Variants in AXDND1 observed in about 807,000 individuals in gnomAD.
The protein encoded by AXDND1 is axonemal dynein light chain domain-containing protein 1.
In AXDND1, 110 loss-of-function variants were observed where a neutral mutation model predicts 137.5. The observed-to-expected ratio is 0.80, with a 90% CI of 0.69 to 0.94. The LOEUF is 0.94. AXDND1 is among the 40% of genes least tolerant of loss of function. AXDND1 has a pLI of 0.00. For synonymous variants in AXDND1, 414 were observed against 399.7 expected (o/e 1.04, Z -0.43); for missense variants, 1,191 against 1,169.8 (o/e 1.02, Z -0.26).
intron 20 of AXDND1, among the ~76,000 whole-genome samples, chr1:179,498,546 C>G (rs1667684312): frequency 6.6e-6 from 1 of 151,998 alleles, no homozygotes; most frequent in African/African-American, 2.4e-5. Context: ...TTGGCTAAAT[C>G]TCCAAAAGCA....
At position 179,375,493 on chromosome 1, in the gene AXDND1, G is replaced by A. The variant is rs192248478; in HGVS notation, c.375-3144G>A. 6.9e-3 allele frequency among the ~76,000 whole-genome samples: 978 copies of A among 141,066 alleles called. 2 individuals carry two copies. Among genetic ancestry groups the A allele is most frequent in the Non-Finnish European group, 0.011 (688 of 63,546 alleles). The allele number at this position is 141,066 out of a possible 152,430, so 92.5% of individuals were successfully genotyped here. A position where few individuals can be genotyped will look rare whatever the true frequency, so the allele number is the denominator to read the frequency against. On this transcript the variant is annotated intron_variant, in intron 4 of 25. Coordinates refer to ENST00000367618, the MANE Select transcript of AXDND1 (RefSeq NM_144696.6). Reference sequence around the variant, plus strand: ...TCTAATTATATAAAATATATATAATGTATAACATATAATGTATAATGTATA... The same window carrying A: ...TCTAATTATATAAAATATATATAATATATAACATATAATGTATAATGTATA...
intron 17 of AXDND1, among the ~76,000 whole-genome samples, chr1:179,471,661 A>T (rs1417354396): frequency 6.6e-6 from 1 of 151,750 alleles, no homozygotes; most frequent in Non-Finnish European, 1.5e-5. Context: ...CCATCTTTTG[A>T]TTTCATTGAT....
In AXDND1 at chr1:179,463,562, G is replaced by A. The variant is rs542914301; in HGVS notation, c.1799-4881G>A. 2.6e-5 allele frequency among the ~76,000 whole-genome samples: 4 copies of A among 152,348 alleles called. No individual in the cohort carries two copies. The South Asian group carries it at 8.3e-4, about 32-fold the overall frequency. On this transcript the variant is annotated intron_variant, in intron 16 of 25. Coordinates refer to ENST00000367618, the MANE Select transcript of AXDND1 (RefSeq NM_144696.6). ...AACTATGTGGTCAATTTTGGAATAA[G>A]TGCGATGTGATGCTAAGAAGAATGT...
At chr1:179,416,990 G>T (rs1558146688) in intron 12 of AXDND1, among the ~76,000 whole-genome samples, 1 of 152,174 alleles carries the variant, frequency 6.6e-6, no homozygotes, top group East Asian at 1.9e-4. Context: ...CCACATCTTT[G>T]CAAGCATCTG....
chr1:179,394,042 A>T lies in AXDND1; in HGVS notation c.1003A>T (p.Arg335Trp). The T allele has an allele frequency of 1.3e-6, 2 of 1,595,768 alleles. No individual in the cohort carries two copies. Among genetic ancestry groups the T allele is most frequent in the Non-Finnish European group, 8.5e-7 (1 of 1,173,512 alleles). The change falls in exon 10 of 26, where the codon AGG (arginine) becomes TGG (tryptophan). Residue 335 changes from arginine (R) to tryptophan (W), a missense_variant and splice_region_variant. Arg to Trp is a moderately radical substitution (Grantham distance 101, BLOSUM62 -3). Transcript: ENST00000367618. ...NFKHVIEELTRELCLVRAHDV... is the reference protein window; with the variant it reads ...NFKHVIEELTWELCLVRAHDV... ...CAAGCATGTTATTGAAGAACTGACCAGGTAAAAACTGTGATTATCTTAAAC... is the reference window on the plus strand; with the variant it reads ...CAAGCATGTTATTGAAGAACTGACCTGGTAAAAACTGTGATTATCTTAAAC...
rs1233475776 is a variant in AXDND1, at chr1:179,368,967, C to T, written c.265C>T (p.Pro89Ser). 2.0e-5 allele frequency: 33 copies of T among 1,609,990 alleles called. No individual in the cohort carries two copies. The highest frequency in any genetic ancestry group is 2.5e-5 in the Non-Finnish European group (29 of 1,177,572). The change falls in exon 3 of 26, where the codon CCA becomes TCA. Residue 89 changes from proline (P) to serine (S), a missense_variant. Physicochemically the swap from Pro to Ser is moderately conservative, Grantham distance 74. Transcript: ENST00000367618. ...NLLPPKKIKTPKGTLPRLVDH... is the reference protein window; with the variant it reads ...NLLPPKKIKTSKGTLPRLVDH... ...ACTACCTCCTAAGAAAATTAAAACC[C>T]CAAAGGTTTGTATGTACATATGTAG...
chr1:179,515,310 A>G (rs772899936), intron 21 of AXDND1, among the ~76,000 whole-genome samples: 1 of 152,100 alleles, frequency 6.6e-6, no homozygotes, highest in Non-Finnish European at 1.5e-5. Context: ...GGAAAAGACT[A>G]TATCTTTCCT....
chr1:179,466,900 G>C (rs1240446357), intron 16 of AXDND1, among the ~76,000 whole-genome samples: 5 of 152,242 alleles, frequency 3.3e-5, no homozygotes, highest in Non-Finnish European at 5.9e-5. Context: ...CTGAAATGAA[G>C]TCTGGCCTTG....
chr1:179,518,918 C>A (rs992238903), intron 21 of AXDND1, among the ~76,000 whole-genome samples: 1 of 152,042 alleles, frequency 6.6e-6, no homozygotes, highest in Non-Finnish European at 1.5e-5. Context: ...AATGGGATTG[C>A]TGGGTCAAAT....
intron 6 of AXDND1, among the ~76,000 whole-genome samples, chr1:179,382,269 C>T (rs993002455): frequency 2.3e-4 from 35 of 151,640 alleles, no homozygotes; most frequent in Non-Finnish European, 3.1e-4. Flanking sequence ...TTAGTAGAGA[C>T]GGGGCTTCAT....
chr1:179,425,819 G>C (rs980230136), intron 12 of AXDND1, among the ~76,000 whole-genome samples: 9 of 147,182 alleles, frequency 6.1e-5, no homozygotes. Flanking sequence ...TGTGTAAAGA[G>C]AGAAATGTGG....
chr1:179,416,179 C>A (rs976855017), intron 12 of AXDND1, among the ~76,000 whole-genome samples: 1 of 152,164 alleles, frequency 6.6e-6, no homozygotes, highest in Admixed American at 6.6e-5. Context: ...CATGTGGATA[C>A]TTGCAATCTT....
intron 4 of AXDND1, among the ~76,000 whole-genome samples, chr1:179,378,167 T>C (rs1372053877): frequency 1.3e-5 from 2 of 152,072 alleles, no homozygotes; most frequent in African/African-American, 4.8e-5. Flanking sequence ...TGAGACTCTG[T>C]GTCAAAATAA....
intron 4 of AXDND1, among the ~76,000 whole-genome samples, 176 bp downstream of exon 4, chr1:179,370,254 GATT>G (rs1363684324): frequency 2.6e-5 from 4 of 152,184 alleles, no homozygotes; most frequent in Admixed American, 1.3e-4. Context: ...TTTTGTGTGT[GATT>G]ATTATCAGTA....
At chr1:179,526,901 G>A (rs145575812) in intron 22 of AXDND1, among the ~76,000 whole-genome samples, 25 of 152,266 alleles carry the variant, frequency 1.6e-4, no homozygotes, top group African/African-American at 3.6e-4. Context: ...TTGAGGAAAC[G>A]AGTTAATGGA....
intron 17 of AXDND1, among the ~76,000 whole-genome samples, chr1:179,476,312 A>G (rs1333737385): frequency 6.6e-6 from 1 of 152,214 alleles, no homozygotes; most frequent in Non-Finnish European, 1.5e-5. Context: ...TATATTACAC[A>G]TATATTACAT....
intron 25 of AXDND1, 70 bp downstream of exon 25, chr1:179,535,032 T>C: frequency 6.3e-7 from 1 of 1,592,852 alleles, no homozygotes; most frequent in Non-Finnish European, 8.6e-7. Context: ...GGGCCACAAA[T>C]ATTGTAGAAG....
chr1:179,483,515 AG>A (rs1433123989), intron 18 of AXDND1, among the ~76,000 whole-genome samples: 2 of 152,214 alleles, frequency 1.3e-5, no homozygotes, highest in Admixed American at 6.5e-5. Context: ...AAAATGAATA[AG>A]AAAAAGGGTA....
At chr1:179,446,297 C>T (rs901352580) in intron 16 of AXDND1, among the ~76,000 whole-genome samples, 11 of 152,182 alleles carry the variant, frequency 7.2e-5, no homozygotes, top group Non-Finnish European at 1.6e-4. Context: ...TGTTATTGTG[C>T]ACTATTATCA....
Sources: allele counts gnomAD v4.1 joint callset (sites outside exome capture counted in the v4.1 genomes callset), GRCh38; gene constraint gnomAD v4.1.1; transcripts MANE v1.5; gene names NCBI Gene and HGNC (gene_info 2026-07-23, HGNC 2026-07-21).